The following NAE1 variants were observed in gnomAD, a reference collection of about 807,000 sequenced individuals.
NAE1 encodes NEDD8 activating enzyme E1 subunit 1.
Under a neutral mutation model 88.0 loss-of-function variants are expected in NAE1, and 59 were observed. The observed-to-expected ratio is 0.67, with a 90% CI of 0.54 to 0.83. The LOEUF (loss-of-function observed/expected upper bound fraction) is 0.83. NAE1 is among the 40% of genes least tolerant of loss of function. NAE1 has a pLI of 0.00. For synonymous variants in NAE1, 186 were observed against 208.9 expected (o/e 0.89, Z 0.95); for missense variants, 554 against 632.8 (o/e 0.88, Z 1.34).
chr16:66,807,869 A>G (rs1959634250), intron 17 of NAE1, among the ~76,000 whole-genome samples: 1 of 151,982 alleles, frequency 6.6e-6, no homozygotes, highest in African/African-American at 2.4e-5. Context: ...AGAAATTCCT[A>G]CATCTTCAGA....
At chr16:66,815,036 A>G (rs1476576977) in intron 11 of NAE1, among the ~76,000 whole-genome samples, 2 of 152,142 alleles carry the variant, frequency 1.3e-5, no homozygotes, top group Non-Finnish European at 2.9e-5. Context: ...TTCTGCTTAA[A>G]TGTCTTTTGG....
intron 1 of NAE1, 87 bp from the exon 2 acceptor site, chr16:66,826,867 TG>T: frequency 8.3e-7 from 1 of 1,199,012 alleles, no homozygotes; most frequent in South Asian, 1.4e-5. Flanking sequence ...AAACTTTCCT[TG>T]CATAGACTGA....
At chr16:66,819,547 A>T (rs949444863) in intron 7 of NAE1, among the ~76,000 whole-genome samples, 1 of 152,226 alleles carries the variant, frequency 6.6e-6, no homozygotes, top group African/African-American at 2.4e-5. Flanking sequence ...TACAGATTGT[A>T]TATCTCTCTT....
At chr16:66,825,474 C>T (rs1280611177) in intron 3 of NAE1, among the ~76,000 whole-genome samples, 1 of 150,324 alleles carries the variant, frequency 6.7e-6, no homozygotes, top group East Asian at 1.9e-4. Flanking sequence ...GTTTGGGAAA[C>T]ACCATATACT....
chr16:66,805,021 GAAGTA>G (rs1397566394), intron 19 of NAE1, among the ~76,000 whole-genome samples: 1 of 152,196 alleles, frequency 6.6e-6, no homozygotes, highest in Non-Finnish European at 1.5e-5. Flanking sequence ...GTGAGGGAGG[GAAGTA>G]AAGGGAGCTT....
At chr16:66,829,883 G>C (rs1454622032) in intron 1 of NAE1, among the ~76,000 whole-genome samples, 1 of 152,124 alleles carries the variant, frequency 6.6e-6, no homozygotes, top group African/African-American at 2.4e-5. Flanking sequence ...ATATTTATAC[G>C]ATAGTTTTGG....
intron 7 of NAE1, among the ~76,000 whole-genome samples, chr16:66,818,932 T>C (rs895855059): frequency 1.3e-5 from 2 of 152,124 alleles, no homozygotes; most frequent in African/African-American, 2.4e-5. Context: ...CCAAAGTCCT[T>C]GCATTACAGG....
chr16:66,803,607 TTAGAC>T (rs1959441850), intron 19 of NAE1, among the ~76,000 whole-genome samples: 1 of 152,034 alleles, frequency 6.6e-6, no homozygotes, highest in African/African-American at 2.4e-5. Flanking sequence ...TTTTTTTTTT[TTAGAC>T]TAGAGTCTCA....
intron 7 of NAE1, among the ~76,000 whole-genome samples, chr16:66,819,131 A>G (rs459378): frequency 0.31 from 46,889 of 152,128 alleles, 8,533 homozygotes; most frequent in East Asian, 0.6. Flanking sequence ...GTCAACTATA[A>G]AGTTTTAGTA....
chr16:66,808,307 A>C (rs574503980), intron 17 of NAE1, among the ~76,000 whole-genome samples: 2 of 152,290 alleles, frequency 1.3e-5, no homozygotes, highest in Admixed American at 6.5e-5. Context: ...TATTCAACCA[A>C]CATCCCCCTG....
rs182971265 is a variant in NAE1, at chr16:66,820,963, G to C, written c.511+487C>G. Among the ~76,000 whole-genome samples, 10 of 152,156 alleles carry C rather than the reference G, an allele frequency of 6.6e-5. No homozygotes were observed. In the East Asian group the frequency reaches 1.9e-3, roughly 29 times the overall value. On this transcript the variant is annotated intron_variant, in intron 7 of 19. Transcript: ENST00000290810. ...GGGTGCCTGTAATCCCAGATACTTG[G>C]GAGGCTGAGGCAGGAGAATCAGTTG...
At chr16:66,821,154 C>T (rs949855645) in intron 7 of NAE1, among the ~76,000 whole-genome samples, 3 of 152,180 alleles carry the variant, frequency 2.0e-5, no homozygotes, top group African/African-American at 7.2e-5. Context: ...TCTCCACAGC[C>T]ATACATGCCC....
chr16:66,804,226 G>A (rs1305787933), intron 19 of NAE1, among the ~76,000 whole-genome samples: 3 of 142,594 alleles, frequency 2.1e-5, no homozygotes, highest in African/African-American at 8.1e-5. Flanking sequence ...ATTACAGAAT[G>A]CACAGAAGTA....
chr16:66,825,678 T>C (rs563641625), intron 3 of NAE1, among the ~76,000 whole-genome samples: 2 of 152,148 alleles, frequency 1.3e-5, no homozygotes, highest in African/African-American at 4.8e-5. Flanking sequence ...GAACCATTTG[T>C]TTTTGCACGT....
At chr16:66,816,750 T>G (rs1450429759) in intron 10 of NAE1, 78 bp from the exon 11 acceptor site, 18 of 1,314,234 alleles carry the variant, frequency 1.4e-5, no homozygotes, top group Non-Finnish European at 1.9e-5. Context: ...AATAACCTTG[T>G]CAGATCCTGC....
rs1567495876 is a variant in NAE1, at chr16:66,823,324, G to A, written c.322-18C>T. 1 of 1,557,764 alleles carries A rather than the reference G, an allele frequency of 6.4e-7. No individual in the cohort carries two copies. The highest frequency in any genetic ancestry group is 2.1e-5 in the Admixed American group (1 of 48,170). ...TCTGGACTCTAAACAGGACAGCAAA[G>A]AAAAAAACAAACAAAAAAAACCAAT... is the stretch of plus-strand genomic sequence containing the variant. On this transcript the variant is annotated intron_variant, in intron 5 of 19. Coordinates refer to ENST00000290810, the MANE Select transcript of NAE1 (RefSeq NM_003905.4).
intron 11 of NAE1, among the ~76,000 whole-genome samples, chr16:66,815,500 G>T (rs951275673): frequency 1.3e-5 from 2 of 151,926 alleles, no homozygotes; most frequent in African/African-American, 2.4e-5. Context: ...GAGACTACAG[G>T]TGCATGCCAC....
At chr16:66,807,538 G>A (rs1567487315) in intron 17 of NAE1, among the ~76,000 whole-genome samples, 1 of 152,060 alleles carries the variant, frequency 6.6e-6, no homozygotes, top group Non-Finnish European at 1.5e-5. Context: ...TACTCGGGAG[G>A]CTGAGGCAGG....
chr16:66,825,907 G>A (rs1008634063), intron 3 of NAE1, among the ~76,000 whole-genome samples: 4 of 152,146 alleles, frequency 2.6e-5, no homozygotes, highest in Non-Finnish European at 5.9e-5. Flanking sequence ...AAGCTGTGCT[G>A]TGCCTGGCAG....
Sources: gnomAD v4.1 joint callset for allele counts (sites outside exome capture counted in the v4.1 genomes callset) on GRCh38, gnomAD v4.1.1 for gene constraint, MANE v1.5 for transcripts, NCBI Gene and HGNC (gene_info 2026-07-23, HGNC 2026-07-21) for gene names.